FAM163A: variants seen among roughly 807,000 people sequenced by gnomAD.
The protein encoded by FAM163A is family with sequence similarity 163 member A, also known as protein FAM163A.
FAM163A carries 7 observed loss-of-function variants against 12.0 expected under a neutral mutation model. The ratio of observed to expected loss-of-function variants is 0.58; its 90% CI spans 0.33 to 1.10. The LOEUF is 1.10. Among genes scored for constraint, FAM163A ranks in the 50% least tolerant of loss-of-function variants. FAM163A has a pLI of 0.03. For synonymous variants in FAM163A, 101 were observed against 91.0 expected (o/e 1.11, Z -0.62); for missense variants, 202 against 218.6 (o/e 0.92, Z 0.48).
At chr1:179,734,515 A>C in the FAM163A span, among the ~76,000 whole-genome samples, 6 of 152,290 alleles carry the variant, frequency 3.9e-5, no homozygotes, top group African/African-American at 1.4e-4. Context: ...GGAAGTCCTA[A>C]ATCAAGGTAG....
intron 1 of FAM163A, among the ~76,000 whole-genome samples, chr1:179,768,794 CG>C (rs1270145794): frequency 6.6e-6 from 1 of 151,374 alleles, no homozygotes; most frequent in Non-Finnish European, 1.5e-5. Context: ...TTAGTAGAGA[CG>C]GGGTTTCACC....
At chr1:179,733,427 G>A in the FAM163A span, among the ~76,000 whole-genome samples, 2 of 152,180 alleles carry the variant, frequency 1.3e-5, no homozygotes, top group African/African-American at 4.8e-5. Context: ...CTCAAGAGAG[G>A]ATAGATGCTT....
At chr1:179,742,032 C>T (rs1246563239), upstream of FAM163A, 1 of 152,166 alleles carries the variant, frequency 6.6e-6, no homozygotes, top group Admixed American at 6.5e-5. Context: ...AATGTAGGCA[C>T]GAGCCTTAAC....
chr1:179,778,984 A>G (rs1009844727), intron 1 of FAM163A, among the ~76,000 whole-genome samples: 2 of 152,228 alleles, frequency 1.3e-5, no homozygotes, highest in Non-Finnish European at 2.9e-5. Flanking sequence ...GGGAATATTT[A>G]GATGTCATCT....
At chr1:179,801,765 CTG>C (rs1693212489) in intron 1 of FAM163A, among the ~76,000 whole-genome samples, 1 of 152,210 alleles carries the variant, frequency 6.6e-6, no homozygotes, top group African/African-American at 2.4e-5. Context: ...GGACAGCACT[CTG>C]TGCAAAGCAA....
At chr1:179,788,808 C>T (rs1254698177) in intron 1 of FAM163A, among the ~76,000 whole-genome samples, 20 of 152,152 alleles carry the variant, frequency 1.3e-4, no homozygotes, top group Non-Finnish European at 2.9e-5. Context: ...AACAAGGCAC[C>T]CTGGCTGTGA....
At chr1:179,769,271 G>C (rs1687933451) in intron 1 of FAM163A, among the ~76,000 whole-genome samples, 4 of 151,938 alleles carry the variant, frequency 2.6e-5, no homozygotes, top group Admixed American at 2.6e-4. Context: ...ATAGCCTCCT[G>C]AGTAGCTGAG....
chr1:179,811,207 G>A (rs1694659261), intron 2 of FAM163A, among the ~76,000 whole-genome samples: 1 of 152,198 alleles, frequency 6.6e-6, no homozygotes, highest in Admixed American at 6.5e-5. Flanking sequence ...AATGTATCCT[G>A]CAGGCAATGT....
At chr1:179,791,635 C>T (rs576940205) in intron 1 of FAM163A, among the ~76,000 whole-genome samples, 1 of 152,312 alleles carries the variant, frequency 6.6e-6, no homozygotes, top group Admixed American at 6.5e-5. Context: ...TCCAGGTGTT[C>T]GAGGATGGAA....
At chr1:179,778,000 A>G (rs980821780) in intron 1 of FAM163A, among the ~76,000 whole-genome samples, 9 of 152,214 alleles carry the variant, frequency 5.9e-5, no homozygotes, top group African/African-American at 1.9e-4. Context: ...CTCCTGGACT[A>G]TGATGGTGTT....
chr1:179,813,907 C>A lies in FAM163A; in HGVS notation c.222C>A (p.Gly74=). Residue 74 remains glycine (G), a synonymous_variant, in exon 5 of 5, where the codon GGC becomes GGA. Coordinates refer to ENST00000341785, the MANE Select transcript of FAM163A (RefSeq NM_173509.3). ...ACSSQALDGR[G]SLAPLTSEPC... Reference sequence around the variant, plus strand: ...GCTCCCAAGCCCTGGACGGCAGAGGCAGCCTGGCGCCTCTCACCAGCGAGC... The same window carrying A: ...GCTCCCAAGCCCTGGACGGCAGAGGAAGCCTGGCGCCTCTCACCAGCGAGC... 1 of 1,613,866 alleles carries A rather than the reference C, an allele frequency of 6.2e-7. No homozygotes were observed. The highest frequency in any genetic ancestry group is 8.5e-7 in the Non-Finnish European group (1 of 1,180,024).
At chr1:179,808,946 T>C (rs1021420175) in intron 2 of FAM163A, among the ~76,000 whole-genome samples, 1 of 152,072 alleles carries the variant, frequency 6.6e-6, no homozygotes, top group Non-Finnish European at 1.5e-5. Context: ...AACTGTACCA[T>C]TAGTACAGAA....
intron 1 of FAM163A, among the ~76,000 whole-genome samples, chr1:179,755,136 C>CAAAAA (rs35201060): frequency 1.8e-5 from 2 of 109,430 alleles, no homozygotes; most frequent in East Asian, 4.5e-4. Flanking sequence ...GACTCTGCCT[C>CAAAAA]AAAAAAAAAA....
chr1:179,803,058 C>T (rs1021715287), intron 1 of FAM163A, among the ~76,000 whole-genome samples: 1 of 152,066 alleles, frequency 6.6e-6, no homozygotes, highest in Non-Finnish European at 1.5e-5. Context: ...TTGTAATGGG[C>T]ATATATACAA....
intron 1 of FAM163A, among the ~76,000 whole-genome samples, chr1:179,781,599 G>T (rs919078478): frequency 1.3e-5 from 2 of 152,080 alleles, no homozygotes; most frequent in African/African-American, 4.8e-5. Context: ...GAGAGACTCC[G>T]CTGGGATTGC....
intron 1 of FAM163A, among the ~76,000 whole-genome samples, chr1:179,757,219 T>C (rs983920046): frequency 2.6e-5 from 4 of 152,116 alleles, no homozygotes; most frequent in African/African-American, 9.7e-5. Context: ...TAGAAGAAGC[T>C]TGACCATGTC....
intron 1 of FAM163A, among the ~76,000 whole-genome samples, chr1:179,778,550 G>A (rs557200845): frequency 2.2e-4 from 34 of 152,128 alleles, no homozygotes; most frequent in Non-Finnish European, 4.0e-4. Context: ...GAAGGAAGAC[G>A]TTTTACAGAC....
intron 1 of FAM163A, among the ~76,000 whole-genome samples, chr1:179,760,197 C>T (rs1289484657): frequency 6.6e-6 from 1 of 152,124 alleles, no homozygotes; most frequent in African/African-American, 2.4e-5. Context: ...ATTTGCCTTG[C>T]TTGTTTCTGA....
chr1:179,788,046 G>C (rs1041631894), intron 1 of FAM163A, among the ~76,000 whole-genome samples: 3 of 152,210 alleles, frequency 2.0e-5, no homozygotes, highest in Non-Finnish European at 4.4e-5. Flanking sequence ...GCTGTGAAAT[G>C]CTATGCAAAT....
Sources: allele counts gnomAD v4.1 joint callset (sites outside exome capture counted in the v4.1 genomes callset), GRCh38; gene constraint gnomAD v4.1.1; transcripts MANE v1.5; gene names NCBI Gene and HGNC (gene_info 2026-07-23, HGNC 2026-07-21).